Variants in PARD3 observed in about 807,000 individuals in gnomAD.
The protein encoded by PARD3 is par-3 family cell polarity regulator.
A neutral mutation model predicts 155.4 loss-of-function variants in PARD3; 75 were observed. The ratio of observed to expected loss-of-function variants is 0.48; its 90% CI spans 0.40 to 0.58. The LOEUF is 0.58. PARD3 is among the 20% of genes least tolerant of loss of function. PARD3 has a pLI of 0.00. For synonymous variants in PARD3, 576 were observed against 610.5 expected (o/e 0.94, Z 0.83); for missense variants, 1,642 against 1,721.7 (o/e 0.95, Z 0.82).
At chr10:34,186,125 G>A (rs138947217) in intron 22 of PARD3, among the ~76,000 whole-genome samples, 5 of 151,780 alleles carry the variant, frequency 3.3e-5, no homozygotes, top group African/African-American at 1.2e-4. Flanking sequence ...CAACGAGCAG[G>A]GGGGAGGCAT....
chr10:34,194,791 T>C (rs80020312), intron 22 of PARD3, among the ~76,000 whole-genome samples: 2,449 of 152,314 alleles, frequency 0.016, 71 homozygotes, highest in African/African-American at 0.056. Context: ...TAGATAGTTA[T>C]AGTTAAATAC....
intron 2 of PARD3, among the ~76,000 whole-genome samples, chr10:34,574,561 G>A (rs751816804): frequency 3.9e-5 from 6 of 152,122 alleles, no homozygotes; most frequent in East Asian, 1.9e-4. Context: ...CAGTGCATAC[G>A]CCTGAAAATC....
chr10:34,511,209 T>C (rs1275503724), intron 3 of PARD3, among the ~76,000 whole-genome samples: 4 of 152,202 alleles, frequency 2.6e-5, no homozygotes, highest in African/African-American at 9.6e-5. Flanking sequence ...TTCCTGTAAA[T>C]AGGCACTTGG....
chr10:34,726,428 A>G (rs2094712773), intron 1 of PARD3, among the ~76,000 whole-genome samples: 2 of 152,220 alleles, frequency 1.3e-5, no homozygotes, highest in African/African-American at 2.4e-5. Flanking sequence ...TCTACTAAAA[A>G]TACAAAAATT....
chr10:34,678,494 T>G (rs2133310741), intron 2 of PARD3, among the ~76,000 whole-genome samples: 1 of 152,346 alleles, frequency 6.6e-6, no homozygotes, highest in Middle Eastern at 3.4e-3. Context: ...CAACTAATCC[T>G]TTTTAGTGAG....
Position 34,814,841 on chromosome 10 carries a change from CCGCCCCCTCCCCGCCCG to C in PARD3, c.120+18_120+34del, listed in dbSNP as rs1844710317. On this transcript the variant is annotated intron_variant, in intron 1 of 24. Coordinates refer to ENST00000374788, the MANE Select transcript of PARD3 (RefSeq NM_001184785.2). ...ATTGATCCCGGCGCCGTCCCCGCCGCCGCCCCCTCCCCGCCCGCGCCCCCGGCCCCTCACCTTGGCGA... is the reference window on the plus strand; with the variant it reads ...ATTGATCCCGGCGCCGTCCCCGCCGCCGCCCCCGGCCCCTCACCTTGGCGA... 1 of 1,183,626 alleles carries C rather than the reference CCGCCCCCTCCCCGCCCG, an allele frequency of 8.4e-7. No individual in the cohort carries two copies. Among genetic ancestry groups the C allele is most frequent in the South Asian group, 1.3e-5 (1 of 74,112 alleles). 73.3% of individuals were successfully genotyped at this position (1,183,626 alleles called of 1,614,324 possible). A position where few individuals can be genotyped will look rare whatever the true frequency, so the allele number is the denominator to read the frequency against.
intron 20 of PARD3, among the ~76,000 whole-genome samples, chr10:34,288,036 C>A (rs1316511377): frequency 6.6e-6 from 1 of 152,002 alleles, no homozygotes; most frequent in African/African-American, 2.4e-5. Context: ...CATGATGAAA[C>A]CCCGTCTCTA....
At chr10:34,658,936 T>C (rs766344270) in intron 2 of PARD3, among the ~76,000 whole-genome samples, 3 of 152,360 alleles carry the variant, frequency 2.0e-5, no homozygotes, top group East Asian at 1.9e-4. Flanking sequence ...GCATTTATAA[T>C]TGTGCATGTC....
Position 34,111,474 on chromosome 10 carries a change from T to C in PARD3, c.3757A>G (p.Asn1253Asp). 6.2e-7 allele frequency: 1 copy of C among 1,614,112 alleles called. No homozygotes were observed. Among genetic ancestry groups the C allele is most frequent in the Non-Finnish European group, 8.5e-7 (1 of 1,180,004 alleles). ...CCTTGGTAGCTGGAGTACCTGGGGT[T>C]CTCTTTGGCACTCTGGAAGCCTTCC... ...PGEGFQSAKE[N>D]PRYSSYQGSR... The change falls in exon 25 of 25, where the codon AAC (asparagine) becomes GAC (aspartate). Residue 1253 changes from asparagine (N) to aspartate (D), a missense_variant. Physicochemically the swap from Asn to Asp is conservative, Grantham distance 23 (BLOSUM62 1). Coordinates refer to ENST00000374788, the MANE Select transcript of PARD3 (RefSeq NM_001184785.2).
At position 34,399,380 on chromosome 10, in the gene PARD3, A is replaced by C; in HGVS notation, c.840T>G (p.Asp280Glu). 1 of 1,611,978 alleles carries C rather than the reference A, an allele frequency of 6.2e-7. No homozygotes were observed. Among genetic ancestry groups the C allele is most frequent in the East Asian group, 2.2e-5 (1 of 44,852 alleles). The change falls in exon 7 of 25, where the codon GAT becomes GAG. Residue 280 changes from aspartate to glutamate, a missense_variant. Physicochemically the swap from Asp to Glu is conservative, Grantham distance 45 (BLOSUM62 2). Transcript: ENST00000374788. ...DMVKLVEVPN[D>E]GGPLGIHVVP... ...CTACGTGGATTCCCAGAGGCCCTCC[A>C]TCGTTGGGGACTTCTACGAGCTTTA...
At chr10:34,220,115 G>A (rs936892519) in intron 22 of PARD3, among the ~76,000 whole-genome samples, 4 of 152,142 alleles carry the variant, frequency 2.6e-5, no homozygotes, top group Middle Eastern at 3.4e-3. Context: ...AATTATTAAC[G>A]CTGGGTTTCA....
intron 1 of PARD3, among the ~76,000 whole-genome samples, chr10:34,761,739 TATGTTCTGC>T (rs1171923295): frequency 6.6e-6 from 1 of 152,194 alleles, no homozygotes; most frequent in Non-Finnish European, 1.5e-5. Flanking sequence ...TGTAGTATTT[TATGTTCTGC>T]AGTGCACTAT....
chr10:34,459,317 C>T (rs2077500098), intron 4 of PARD3, among the ~76,000 whole-genome samples: 2 of 152,202 alleles, frequency 1.3e-5, no homozygotes, highest in South Asian at 4.1e-4. Context: ...CAGGCGCCCA[C>T]CACCATGCCC....
intron 5 of PARD3, among the ~76,000 whole-genome samples, chr10:34,429,140 TGAA>T (rs769135742): frequency 2.0e-5 from 3 of 152,056 alleles, no homozygotes; most frequent in Admixed American, 6.5e-5. Flanking sequence ...GTGCAGAACT[TGAA>T]AAAGACTTAG....
At chr10:34,331,602 A>G (rs1464743376) in intron 18 of PARD3, among the ~76,000 whole-genome samples, 1 of 152,216 alleles carries the variant, frequency 6.6e-6, no homozygotes, top group Non-Finnish European at 1.5e-5. Context: ...AAAAATTTCA[A>G]CAGATGAAAT....
At chr10:34,611,128 A>G (rs181180930) in intron 2 of PARD3, among the ~76,000 whole-genome samples, 131 of 152,328 alleles carry the variant, frequency 8.6e-4, no homozygotes, top group African/African-American at 3.0e-3. Context: ...GATGAAAATC[A>G]TGCACCTTGA....
At chr10:34,154,230 G>A (rs1447836005) in intron 22 of PARD3, among the ~76,000 whole-genome samples, 1 of 152,158 alleles carries the variant, frequency 6.6e-6, no homozygotes, top group Non-Finnish European at 1.5e-5. Context: ...TCGTGGTGAG[G>A]ATGGCCTGTG....
chr10:34,215,574 G>A (rs1177854612), intron 22 of PARD3, among the ~76,000 whole-genome samples: 2 of 152,188 alleles, frequency 1.3e-5, no homozygotes, highest in Non-Finnish European at 2.9e-5. Context: ...CATGAACAGA[G>A]CTGACCCATC....
chr10:34,341,472 G>C (rs1836824606), intron 16 of PARD3, among the ~76,000 whole-genome samples, 155 bp downstream of exon 16: 1 of 152,046 alleles, frequency 6.6e-6, no homozygotes, highest in Non-Finnish European at 1.5e-5. Flanking sequence ...TACAGAGTTC[G>C]GGTATAATCT....
Sources: gnomAD v4.1 joint callset for allele counts (sites outside exome capture counted in the v4.1 genomes callset) on GRCh38, gnomAD v4.1.1 for gene constraint, MANE v1.5 for transcripts, NCBI Gene and HGNC (gene_info 2026-07-23, HGNC 2026-07-21) for gene names.